CTSA: variants seen among roughly 807,000 people sequenced by gnomAD.
The protein encoded by CTSA is lysosomal protective protein.
CTSA carries 42 observed loss-of-function variants against 66.7 expected under a neutral mutation model. That is an observed-to-expected ratio of 0.63 (90% confidence interval 0.49 to 0.81). The LOEUF is 0.81. CTSA is among the 40% of genes least tolerant of loss of function. CTSA has a pLI of 0.00. For missense variants in CTSA, 525 were observed against 610.9 expected (o/e 0.86, Z 1.48); for synonymous variants, 225 against 248.6 (o/e 0.91, Z 0.89).
At chr20:45,892,636 G>T in intron 5 of CTSA, 89 bp from the exon 6 acceptor site, 1 of 1,565,042 alleles carries the variant, frequency 6.4e-7, no homozygotes. Flanking sequence ...TGCACAAATA[G>T]GGTGGGTTAA....
rs375030709 is a variant in CTSA, at chr20:45,898,115, G to A, written c.1359+6G>A. ...TCGCCTTTCTCACGATCAAGGTAGG[G>A]ACTGGGCCTGCTGAGAGATAACTGG... On this transcript the variant is annotated splice_donor_region_variant and intron_variant, in intron 14 of 14. Transcript: ENST00000646241. This position sits in a 1 kb window ranked among gnomAD's most constrained non-coding sequence, Gnocchi z 4.6. 7 of 1,612,928 alleles carry A rather than the reference G, an allele frequency of 4.3e-6. No individual in the cohort carries two copies. The highest frequency in any genetic ancestry group is 4.0e-5 in the African/African-American group (3 of 74,880).
At chr20:45,894,129 A>C (rs1987116169) in intron 8 of CTSA, 57 bp downstream of exon 8, 8 of 1,217,112 alleles carry the variant, frequency 6.6e-6, no homozygotes, top group Non-Finnish European at 8.5e-6. Flanking sequence ...TGAGAACAGG[A>C]CCACATTCCC....
intron 13 of CTSA, 31 bp downstream of exon 13, chr20:45,897,837 G>A (rs1236212543): frequency 2.6e-6 from 4 of 1,549,964 alleles, no homozygotes; most frequent in African/African-American, 1.4e-5. Flanking sequence ...CCTGGGATAG[G>A]GGCTGCTGTG....
At position 45,894,645 on chromosome 20, in the gene CTSA, T is replaced by G. The variant is rs1214915102; in HGVS notation, c.778-5T>G. The G allele has an allele frequency of 6.2e-7, 1 of 1,613,672 alleles. No individual in the cohort carries two copies. Among genetic ancestry groups the G allele is most frequent in the South Asian group, 1.1e-5 (1 of 91,074 alleles). ...AAAGCATGGTGGCTTGGTGTATCAT[T>G]GCAGCTTCAGGAAGTGGCCCGCATC... On this transcript the variant is annotated splice_region_variant and splice_polypyrimidine_tract_variant and intron_variant, in intron 8 of 14. Transcript: ENST00000646241.
rs752611580 is a variant in CTSA, at chr20:45,895,059, C to T, written c.1014C>T (p.Ser338=). 1.2e-6 allele frequency: 2 copies of T among 1,614,174 alleles called. No individual in the cohort carries two copies. Among genetic ancestry groups the T allele is most frequent in the Non-Finnish European group, 1.7e-6 (2 of 1,180,028 alleles). ...CCTGCACCAACACAACAGCTGCTTC[C>T]ACCTACCTCAACAACCCGTACGTGC... ...DPPCTNTTAA[S]TYLNNPYVRK... The change falls in exon 11 of 15, where the codon TCC becomes TCT. Residue 338 remains serine, a synonymous_variant. Coordinates refer to ENST00000646241, the MANE Select transcript of CTSA (RefSeq NM_000308.4).
rs375579156 is a variant in CTSA at position 45,898,041 on chromosome 20, G to A, written c.1291G>A (p.Gly431Arg). 4.3e-6 allele frequency: 7 copies of A among 1,613,954 alleles called. No individual in the cohort carries two copies. Among genetic ancestry groups the A allele is most frequent in the African/African-American group, 1.3e-5 (1 of 74,876 alleles). The part of the protein sequence containing the change: ...VQRRPWLVKY[G>R]DSGEQIAGFV... ...GCGCCGGCCCTGGTTAGTGAAGTAC[G>A]GGGACAGCGGGGAGCAGATTGCCGG... is the stretch of plus-strand genomic sequence containing the variant. Residue 431 changes from glycine (G) to arginine (R), a missense_variant, in exon 14 of 15, where the codon GGG becomes AGG. Gly to Arg is a moderately radical substitution (Grantham distance 125). This residue lies in a region of CTSA where 274 missense variants were observed against 321.1 expected (regional missense o/e 0.85). Transcript: ENST00000646241. This position sits in a 1 kb window ranked among gnomAD's most constrained non-coding sequence, Gnocchi z 4.6.
At chr20:45,897,328 AG>A in intron 12 of CTSA, 1 of 527,708 alleles carries the variant, frequency 1.9e-6, no homozygotes, top group Non-Finnish European at 3.4e-6. Flanking sequence ...GGGTGGGAGG[AG>A]ACCTTGCACA....
chr20:45,894,892 G>A lies in CTSA; in HGVS notation c.939G>A (p.Met313Ile), dbSNP rs1987160558. 1 of 1,614,156 alleles carries A rather than the reference G, an allele frequency of 6.2e-7. No individual in the cohort carries two copies. The highest frequency in any genetic ancestry group is 1.6e-4 in the Middle Eastern group (1 of 6,062). Reference sequence around the variant, plus strand: ...TCACTCGCCTGCCACTCAAGCGGATGTGGCATCAGGTGTGCGAGGGCGTGG... The same window carrying A: ...TCACTCGCCTGCCACTCAAGCGGATATGGCATCAGGTGTGCGAGGGCGTGG... ...NIFTRLPLKRMWHQALLRSGD... is the reference protein window; with the variant it reads ...NIFTRLPLKRIWHQALLRSGD... The change falls in exon 10 of 15, where the codon ATG becomes ATA. Residue 313 changes from methionine (M) to isoleucine (I), a missense_variant. Around this residue, in one of 3 missense-constraint regions of CTSA, gnomAD observed 274 missense variants for 321.1 expected, o/e 0.85. Transcript: ENST00000646241.
Position 45,897,606 on chromosome 20 carries a change from G to A in CTSA, c.1165-111G>A, listed in dbSNP as rs571791171. ...AGAAAACATGAAAATTCCCTGGTTCGTGTTATCTAGCTTGGCCCCTTGAAT... is the reference window on the plus strand; with the variant it reads ...AGAAAACATGAAAATTCCCTGGTTCATGTTATCTAGCTTGGCCCCTTGAAT... On this transcript the variant is annotated intron_variant, in intron 12 of 14. Coordinates refer to ENST00000646241, the MANE Select transcript of CTSA (RefSeq NM_000308.4). 1.2e-3 allele frequency: 897 copies of A among 752,078 alleles called. 9 individuals are homozygous for A. The highest frequency in any genetic ancestry group is 7.5e-3 in the South Asian group (531 of 70,884). The allele number at this position is 752,078 out of a possible 1,614,324, so 46.6% of individuals were successfully genotyped here. A position where few individuals can be genotyped will look rare whatever the true frequency, so the allele number is the denominator to read the frequency against.
chr20:45,896,828 C>G (rs2083112840), intron 11 of CTSA, 137 bp from the exon 12 acceptor site: 8 of 764,984 alleles, frequency 1.0e-5, no homozygotes, highest in East Asian at 2.5e-5. Context: ...AGAGGTGGCC[C>G]CCCCCCAAAA....
chr20:45,892,602 G>T (rs1346386336), intron 5 of CTSA, 118 bp downstream of exon 5: 2 of 1,492,776 alleles, frequency 1.3e-6, no homozygotes, highest in Non-Finnish European at 1.9e-6. Context: ...TGCTATTGTG[G>T]TATGGTGGCC....
At position 45,894,668 on chromosome 20, in the gene CTSA, A is replaced by C; in HGVS notation, c.796A>C (p.Ile266Leu). 6.2e-7 allele frequency: 1 copy of C among 1,614,134 alleles called. No homozygotes were observed. Among genetic ancestry groups the C allele is most frequent in the Non-Finnish European group, 8.5e-7 (1 of 1,179,992 alleles). ...ATTGCAGCTTCAGGAAGTGGCCCGC[A>C]TCGTGGGCAACTCTGGCCTCAACAT... ...CVTNLQEVAR[I>L]VGNSGLNIYN... is the part of the protein sequence containing the mutation. Residue 266 changes from isoleucine (I) to leucine (L), a missense_variant, in exon 9 of 15, where the codon ATC becomes CTC. Ile to Leu is a conservative substitution (Grantham distance 5, BLOSUM62 2). Around this residue, in one of 3 missense-constraint regions of CTSA, gnomAD observed 274 missense variants for 321.1 expected, o/e 0.85. Coordinates refer to ENST00000646241, the MANE Select transcript of CTSA (RefSeq NM_000308.4).
At position 45,897,727 on chromosome 20, in the gene CTSA, T is replaced by C; in HGVS notation, c.1175T>C (p.Ile392Thr). ...LKLLSSQKYQILLYNGDVDMA... is the reference protein window; with the variant it reads ...LKLLSSQKYQTLLYNGDVDMA... ...CCCATCCTGCTTTAGAAATACCAGATCCTATTATATAATGGAGATGTAGAC... is the reference window on the plus strand; with the variant it reads ...CCCATCCTGCTTTAGAAATACCAGACCCTATTATATAATGGAGATGTAGAC... The change falls in exon 13 of 15, where the codon ATC becomes ACC. Residue 392 changes from isoleucine to threonine, a missense_variant. By Grantham distance (89) the Ile-to-Thr change is moderately conservative (BLOSUM62 -1). Transcript: ENST00000646241. 1 of 1,605,804 alleles carries C rather than the reference T, an allele frequency of 6.2e-7. No individual in the cohort carries two copies.
intron 11 of CTSA, among the ~76,000 whole-genome samples, chr20:45,895,460 G>GCA (rs34656072): frequency 0.66 from 99,475 of 151,338 alleles, 32,755 homozygotes; most frequent in Admixed American, 0.72. Flanking sequence ...GACTACAGAC[G>GCA]CACCACCACC....
chr20:45,891,608 C>G lies in CTSA; in HGVS notation c.40C>G (p.Leu14Val), dbSNP rs1342763672. The stretch of plus-strand genomic sequence containing the variant: ...GCCGCCGCCGCTGTTCCTGCTGCTG[C>G]TGCTGCTGCTGCTGCTAGTGTCCTG... ...AAPPPLFLLL[L>V]LLLLLVSWAS... Residue 14 changes from leucine to valine, a missense_variant, in exon 2 of 15, where the codon CTG becomes GTG. Leu to Val is a conservative substitution (Grantham distance 32). This residue lies in a region of CTSA where 246 missense variants were observed against 267.4 expected (regional missense o/e 0.92). Transcript: ENST00000646241. This position sits in a 1 kb window ranked among gnomAD's most constrained non-coding sequence, Gnocchi z 4.6. The G allele has an allele frequency of 6.2e-7, 1 of 1,605,868 alleles. No individual in the cohort carries two copies.
At chr20:45,894,944 G>A (rs1987165393) in intron 10 of CTSA, 43 bp downstream of exon 10, 1 of 1,612,398 alleles carries the variant, frequency 6.2e-7, no homozygotes, top group Admixed American at 1.7e-5. Context: ...GTGGGGGCAG[G>A]GGGAGGGGCA....
Position 45,898,472 on chromosome 20 carries a change from C to T in CTSA, c.*22C>T, listed in dbSNP as rs763008688. 6.2e-6 allele frequency: 10 copies of T among 1,607,680 alleles called. No individual in the cohort carries two copies. Among genetic ancestry groups the T allele is most frequent in the South Asian group, 1.1e-5 (1 of 90,944 alleles). Reference sequence around the variant, plus strand: ...CTGATGACCACAGCAACCAGCTCCACGGCCTGATGCAGCCCCTCCCAGCCT... The same window carrying T: ...CTGATGACCACAGCAACCAGCTCCATGGCCTGATGCAGCCCCTCCCAGCCT... On this transcript the variant is annotated 3_prime_UTR_variant, in exon 15 of 15. Transcript: ENST00000646241. This position sits in a 1 kb window ranked among gnomAD's most constrained non-coding sequence, Gnocchi z 4.6.
chr20:45,894,104 T>C (rs769207358), intron 8 of CTSA, 32 bp downstream of exon 8: 30 of 1,410,582 alleles, frequency 2.1e-5, no homozygotes, highest in Non-Finnish European at 2.8e-5. Flanking sequence ...GCATGAGCTC[T>C]CCCATCCCTA....
chr20:45,894,254 G>C (rs1469574672), intron 8 of CTSA, 182 bp downstream of exon 8: 7 of 674,378 alleles, frequency 1.0e-5, no homozygotes, highest in Non-Finnish European at 1.9e-5. Context: ...TCCTATGGTG[G>C]CAAATCCCAT....
Sources: gnomAD v4.1 joint callset for allele counts (sites outside exome capture counted in the v4.1 genomes callset) on GRCh38, gnomAD v4.1.1 for gene constraint, gnomAD v4.1.1 regional missense constraint, Gnocchi (gnomAD v3.1) non-coding constraint, MANE v1.5 for transcripts, NCBI Gene and HGNC (gene_info 2026-07-23, HGNC 2026-07-21) for gene names.